CLTC: variants seen among roughly 807,000 people sequenced by gnomAD.
CLTC encodes clathrin heavy chain 1.
CLTC carries 16 observed loss-of-function variants against 195.8 expected under a neutral mutation model. The ratio of observed to expected loss-of-function variants is 0.08; its 90% confidence interval spans 0.06 to 0.12. The LOEUF is 0.12. CLTC is among the 10% of genes least tolerant of loss of function. CLTC has a pLI of 1.00. For synonymous variants in CLTC, 667 were observed against 689.4 expected, an observed-to-expected ratio of 0.97 and a Z score of 0.51; for missense variants, 796 against 2,027.0, an observed-to-expected ratio of 0.39 and a Z score of 11.66.
chr17:59,661,400 T>C (rs1465993633), intron 7 of CLTC, 43 bp from the exon 8 acceptor site: 22 of 1,501,866 alleles, frequency 1.5e-5, no homozygotes, highest in Non-Finnish European at 1.9e-5. Flanking sequence ...CATTTCTCCT[T>C]CTTACACTTT....
intron 1 of CLTC, among the ~76,000 whole-genome samples, chr17:59,620,581 T>A (rs2031339233): frequency 1.4e-5 from 2 of 139,938 alleles, no homozygotes; most frequent in South Asian, 5.0e-4. Context: ...CACCTTCCAT[T>A]GCTCTCCTCT....
chr17:59,621,515 T>G (rs2031378516), intron 1 of CLTC, among the ~76,000 whole-genome samples: 1 of 152,244 alleles, frequency 6.6e-6, no homozygotes, highest in African/African-American at 2.4e-5. Flanking sequence ...ACATTCAGGC[T>G]ATAAGTAACA....
intron 1 of CLTC, among the ~76,000 whole-genome samples, chr17:59,641,589 G>A (rs2032035038): frequency 9.9e-6 from 1 of 100,538 alleles, no homozygotes; most frequent in South Asian, 3.8e-4. Flanking sequence ...TGGCGACAGA[G>A]CAAGACTCCA....
At chr17:59,620,813 A>G (rs913472305) in intron 1 of CLTC, among the ~76,000 whole-genome samples, 22 of 152,100 alleles carry the variant, frequency 1.4e-4, no homozygotes, top group African/African-American at 5.1e-4. Flanking sequence ...GGGAGAACGC[A>G]TTTCTTAGAG....
rs2033109528 is a variant in CLTC, at chr17:59,682,941, G to A, written c.3800G>A (p.Arg1267His). 6.2e-7 allele frequency: 1 copy of A among 1,614,156 alleles called. No homozygotes were observed. The highest frequency in any genetic ancestry group is 8.5e-7 in the Non-Finnish European group (1 of 1,179,996). Residue 1267 changes from arginine (R) to histidine (H), a missense_variant, in exon 24 of 32, where the codon CGT becomes CAT. Around this residue, in one of 9 missense-constraint regions of CLTC, gnomAD observed 102 missense variants for 317.6 expected, o/e 0.32. Coordinates refer to ENST00000269122, the MANE Select transcript of CLTC (RefSeq NM_004859.4). This position sits in a 1 kb window ranked among gnomAD's most constrained non-coding sequence, Gnocchi z 6.8. ...GCCTGTGTAGATGGGAAAGAATTCC[G>A]TCTTGCTCAGATGTGTGGACTTCAT... Reference protein sequence around the residue: ...CFACVDGKEFRLAQMCGLHIV... With the variant: ...CFACVDGKEFHLAQMCGLHIV...
In CLTC at chr17:59,622,083, G is replaced by T. The variant is rs150132684; in HGVS notation, c.42+1910G>T. ...ATCCCAAAGATTCGAACCCAACCTT[G>T]TCACTTATTAAAGACAAATTTAATA... On this transcript the variant is annotated intron_variant, in intron 1 of 31. Transcript: ENST00000269122. 3.3e-5 allele frequency among the ~76,000 whole-genome samples: 5 copies of T among 152,296 alleles called. No homozygotes were observed. In the East Asian group the frequency reaches 9.6e-4, roughly 29 times the overall value.
chr17:59,655,055 C>T (rs2032431252), intron 5 of CLTC, among the ~76,000 whole-genome samples: 2 of 152,206 alleles, frequency 1.3e-5, no homozygotes, highest in Non-Finnish European at 2.9e-5. Context: ...ACTTTAATTT[C>T]CTTCAAGAAT....
intron 7 of CLTC, 143 bp from the exon 8 acceptor site, chr17:59,661,296 AATAG>A: frequency 1.6e-6 from 1 of 631,294 alleles, no homozygotes; most frequent in Non-Finnish European, 2.8e-6. Flanking sequence ...ACTTGATGTT[AATAG>A]ATGGATTCAT....
rs903627721 is a variant in CLTC at position 59,620,055 on chromosome 17, C to G, written c.-77C>G. 3 of 1,407,166 alleles carry G rather than the reference C, an allele frequency of 2.1e-6. No individual in the cohort carries two copies. Among genetic ancestry groups the G allele is most frequent in the Admixed American group, 1.8e-5 (1 of 56,724 alleles). 87.2% of individuals were successfully genotyped at this position (1,407,166 alleles called of 1,614,324 possible). On this transcript the variant is annotated 5_prime_UTR_variant, in exon 1 of 32. Transcript: ENST00000269122. ...CAGCCTCCCCCCTCCCCTTCTCCTCCTCTCCCTTGGAGAGCCCGGGCAGCC... is the reference window on the plus strand; with the variant it reads ...CAGCCTCCCCCCTCCCCTTCTCCTCGTCTCCCTTGGAGAGCCCGGGCAGCC...
rs75516087 is a variant in CLTC at position 59,670,223 on chromosome 17, A to C, written c.2292+1283A>C. Among the ~76,000 whole-genome samples the C allele has an allele frequency of 4.3e-3, 655 of 152,082 alleles. 9 individuals carry two copies. The East Asian group carries it at 0.045, about 11-fold the overall frequency. On this transcript the variant is annotated intron_variant, in intron 14 of 31. Transcript: ENST00000269122. ...GTATCATTACTATTTCCTTTAAAAA[A>C]AACAACAACAAAAAAAACTACTACT...
At chr17:59,692,421 T>C (rs2033325823) in intron 31 of CLTC, among the ~76,000 whole-genome samples, 1 of 152,270 alleles carries the variant, frequency 6.6e-6, no homozygotes, top group Non-Finnish European at 1.5e-5. Context: ...AGGAGAAATC[T>C]TGATCTAGGT....
rs2143590641 is a variant in CLTC at position 59,681,040 on chromosome 17, T to C, written c.3048T>C (p.Ser1016=). ...TGGAGAAAATTGTCCTTGATAACTC[T>C]GTATTCAGTGAACACAGGTATGCTT... is the stretch of plus-strand genomic sequence containing the variant. The part of the protein sequence containing the change: ...ELLEKIVLDN[S]VFSEHRNLQN... Residue 1016 remains serine (S), a synonymous_variant, in exon 19 of 32, where the codon TCT becomes TCC. Transcript: ENST00000269122. The surrounding 1 kb of genome is among the most constrained non-coding windows in gnomAD (Gnocchi z 5.0). The C allele has an allele frequency of 1.2e-6, 2 of 1,614,036 alleles. No individual in the cohort carries two copies. The highest frequency in any genetic ancestry group is 1.7e-6 in the Non-Finnish European group (2 of 1,179,910).
At chr17:59,650,761 A>C (rs1357585784) in intron 4 of CLTC, among the ~76,000 whole-genome samples, 1 of 152,156 alleles carries the variant, frequency 6.6e-6, no homozygotes, top group Non-Finnish European at 1.5e-5. Flanking sequence ...CAGTAGAAAA[A>C]CCAGGAAATT....
intron 14 of CLTC, among the ~76,000 whole-genome samples, chr17:59,670,330 G>C (rs2032821223): frequency 6.6e-6 from 1 of 151,756 alleles, no homozygotes; most frequent in South Asian, 2.1e-4. Flanking sequence ...TGCGTGGGCA[G>C]GTTTGTTATA....
intron 30 of CLTC, among the ~76,000 whole-genome samples, chr17:59,687,646 T>G (rs1025123620): frequency 1.3e-5 from 2 of 152,176 alleles, no homozygotes; most frequent in African/African-American, 4.8e-5. Context: ...TAGTCCATTT[T>G]TAAGAGGAAT....
chr17:59,629,736 G>C (rs903142339), intron 1 of CLTC, among the ~76,000 whole-genome samples: 10 of 151,958 alleles, frequency 6.6e-5, no homozygotes, highest in Admixed American at 2.6e-4. Flanking sequence ...GTCCAGGTTG[G>C]TGTTGAACTC....
chr17:59,651,757 A>G (rs148598474), intron 5 of CLTC, among the ~76,000 whole-genome samples: 4 of 152,306 alleles, frequency 2.6e-5, no homozygotes, highest in East Asian at 1.9e-4. Flanking sequence ...TCTTTTCTCA[A>G]TGTCGATGGC....
chr17:59,666,376 T>TG lies in CLTC; in HGVS notation c.1783-103dup. ...AAATGTAGCTATTATAATATTCTTTTGTACTTTAACAGTTCACTATTAAAC... is the reference window on the plus strand; with the variant it reads ...AAATGTAGCTATTATAATATTCTTTTGGTACTTTAACAGTTCACTATTAAAC... On this transcript the variant is annotated intron_variant, in intron 11 of 31. Coordinates refer to ENST00000269122, the MANE Select transcript of CLTC (RefSeq NM_004859.4). This position sits in a 1 kb window ranked among gnomAD's most constrained non-coding sequence, Gnocchi z 4.9. 3.3e-6 allele frequency: 5 copies of TG among 1,492,666 alleles called. No individual in the cohort carries two copies. Among genetic ancestry groups the TG allele is most frequent in the Non-Finnish European group, 4.6e-6 (5 of 1,098,560 alleles). 92.5% of individuals were successfully genotyped at this position (1,492,666 alleles called of 1,614,324 possible). A position where few individuals can be genotyped will look rare whatever the true frequency, so the allele number is the denominator to read the frequency against.
At chr17:59,640,104 A>C (rs1398883164) in intron 1 of CLTC, among the ~76,000 whole-genome samples, 2 of 152,228 alleles carry the variant, frequency 1.3e-5, no homozygotes, top group Non-Finnish European at 2.9e-5. Context: ...TAAAAGTTTT[A>C]ATCTATATTG....
Sources: allele counts gnomAD v4.1 joint callset (sites outside exome capture counted in the v4.1 genomes callset), GRCh38; gene constraint gnomAD v4.1.1; regional missense constraint gnomAD v4.1.1; non-coding constraint Gnocchi (gnomAD v3.1); transcripts MANE v1.5; gene names NCBI Gene and HGNC (gene_info 2026-07-23, HGNC 2026-07-21).